The following SYNE2 variants were observed in gnomAD, a reference collection of about 807,000 sequenced individuals.
SYNE2 encodes the protein spectrin repeat containing nuclear envelope protein 2.
SYNE2 carries 431 observed loss-of-function variants against 856.3 expected under a neutral mutation model. The observed-to-expected ratio is 0.50, with a 90% CI of 0.47 to 0.55. The LOEUF is 0.55. SYNE2 is among the 20% of genes least tolerant of loss of function. The pLI, the probability that SYNE2 is intolerant of heterozygous loss-of-function variation, is 0.00. For synonymous variants in SYNE2, 2,923 were observed against 2,872.3 expected, an observed-to-expected ratio of 1.02 and a Z score of -0.56; for missense variants, 8,129 against 8,023.2, an observed-to-expected ratio of 1.01 and a Z score of -0.50.
chr14:63,872,313 C>T (rs767798182), intron 1 of SYNE2, among the ~76,000 whole-genome samples: 1 of 151,846 alleles, frequency 6.6e-6, no homozygotes, highest in South Asian at 2.1e-4. Flanking sequence ...GCCTGTAATC[C>T]GAGCCACTTG....
chr14:64,010,217 A>G (rs965651735), intron 32 of SYNE2, 101 bp downstream of exon 32: 1 of 1,314,722 alleles, frequency 7.6e-7, no homozygotes, highest in African/African-American at 1.5e-5. Context: ...AACTTCGTTT[A>G]AAAGAAGTTA....
At chr14:63,948,782 GTATATATATATATATATA>G (rs3062027) in intron 6 of SYNE2, among the ~76,000 whole-genome samples, 826 of 43,880 alleles carry the variant, frequency 0.019, 43 homozygotes, top group Middle Eastern at 0.045. Flanking sequence ...ATGTGTGTGT[GTATATATATATATATATA>G]TATATATATA....
At chr14:64,163,723 A>C (rs2098347833) in intron 89 of SYNE2, 142 bp downstream of exon 89, 4 of 891,882 alleles carry the variant, frequency 4.5e-6, no homozygotes, top group Admixed American at 4.1e-5. Context: ...AATGTATACG[A>C]TTCTAGCTTC....
intron 111 of SYNE2, among the ~76,000 whole-genome samples, chr14:64,221,364 G>A (rs895712712): frequency 2.0e-5 from 3 of 152,140 alleles, no homozygotes; most frequent in African/African-American, 7.2e-5. Flanking sequence ...ACTTTTATTC[G>A]CGGCCTCCTG....
intron 61 of SYNE2, among the ~76,000 whole-genome samples, chr14:64,094,103 C>A (rs989848053): frequency 2.6e-5 from 4 of 151,858 alleles, no homozygotes; most frequent in African/African-American, 9.7e-5. Context: ...GAGGCCGAGG[C>A]GGGCAGATCA....
Position 64,190,149 on chromosome 14 carries a change from A to G in SYNE2, c.17950A>G (p.Ser5984Gly), listed in dbSNP as rs1355121735. The G allele has an allele frequency of 6.2e-7, 1 of 1,614,164 alleles. No individual in the cohort carries two copies. Among genetic ancestry groups the G allele is most frequent in the Non-Finnish European group, 8.5e-7 (1 of 1,180,030 alleles). ...GATGGGTGACCAGTTGATCAAGGCC[A>G]GCAACAAATCAAGAGCAGCTGAGAT... ...KQMGDQLIKASNKSRAAEIDD... is the reference protein window; with the variant it reads ...KQMGDQLIKAGNKSRAAEIDD... Residue 5984 changes from serine to glycine, a missense_variant, in exon 99 of 116, where the codon AGC becomes GGC. Around this residue, in one of 3 missense-constraint regions of SYNE2, gnomAD observed 5,410 missense variants for 5,284.8 expected, o/e 1.02. Coordinates refer to ENST00000555002, the MANE Select transcript of SYNE2 (RefSeq NM_182914.3).
At chr14:64,016,450 TAA>T in intron 32 of SYNE2, 21 bp from the exon 33 acceptor site, 1 of 1,486,378 alleles carries the variant, frequency 6.7e-7, no homozygotes. Context: ...ATATCAGAAA[TAA>T]CTTTCATATC....
intron 80 of SYNE2, among the ~76,000 whole-genome samples, chr14:64,140,896 GTTTTT>G (rs368961338): frequency 2.0e-5 from 3 of 146,888 alleles, no homozygotes; most frequent in Non-Finnish European, 4.5e-5. Context: ...GACTTTTCCT[GTTTTT>G]TTTTTATTTT....
Position 64,053,286 on chromosome 14 carries a change from C to G in SYNE2, c.9373C>G (p.Leu3125Val). The G allele has an allele frequency of 6.2e-7, 1 of 1,608,318 alleles. No individual in the cohort carries two copies. The change falls in exon 48 of 116, where the codon CTG becomes GTG. Residue 3125 changes from leucine to valine, a missense_variant. Leu to Val is a conservative substitution (Grantham distance 32, BLOSUM62 1). This residue lies in a region of SYNE2 where 5,410 missense variants were observed against 5,284.8 expected (regional missense o/e 1.02). Transcript: ENST00000555002. ...GGAGAAAGAAATACTACAAATAAAG[C>G]TGAATGCAGAAGAAAATGATAAGTT... ...FKEKEILQIKLNAEENDKLYK... is the reference protein window; with the variant it reads ...FKEKEILQIKVNAEENDKLYK...
intron 1 of SYNE2, among the ~76,000 whole-genome samples, chr14:63,884,557 G>A (rs1405835785): frequency 6.6e-6 from 1 of 152,090 alleles, no homozygotes; most frequent in East Asian, 1.9e-4. Flanking sequence ...GGTGTGTAGT[G>A]GGCACCAAGG....
chr14:63,931,118 C>T lies in SYNE2; in HGVS notation c.80-9496C>T, dbSNP rs1015793472. Among the ~76,000 whole-genome samples the T allele has an allele frequency of 5.9e-5, 9 of 152,066 alleles. No homozygotes were observed. The East Asian group carries it at 1.2e-3, about 20-fold the overall frequency. ...TCTGGAGAGCTGGAGAATTGCTTAG[C>T]GTTAGGGAAAAACTCACACATTTGG... On this transcript the variant is annotated intron_variant, in intron 2 of 115. Transcript: ENST00000555002.
At chr14:63,775,168 G>T (rs1447113237) in intron 1 of SYNE2, among the ~76,000 whole-genome samples, 1 of 152,044 alleles carries the variant, frequency 6.6e-6, no homozygotes, top group Non-Finnish European at 1.5e-5. Context: ...TAGAGATGGG[G>T]TTTCGCCATG....
chr14:64,077,476 G>T (rs2097473541), intron 54 of SYNE2, among the ~76,000 whole-genome samples: 1 of 152,046 alleles, frequency 6.6e-6, no homozygotes. Context: ...TGTGAATAGA[G>T]CCTGGGACTC....
chr14:63,948,176 C>T (rs1270375608), intron 6 of SYNE2, among the ~76,000 whole-genome samples: 1 of 151,356 alleles, frequency 6.6e-6, no homozygotes, highest in African/African-American at 2.4e-5. Context: ...TACACACACA[C>T]ACACACACAC....
At chr14:64,039,868 G>C (rs574188279) in intron 45 of SYNE2, among the ~76,000 whole-genome samples, 1 of 152,200 alleles carries the variant, frequency 6.6e-6, no homozygotes, top group East Asian at 1.9e-4. Context: ...CTCCAGAATA[G>C]ACACGGGCCC....
intron 6 of SYNE2, among the ~76,000 whole-genome samples, chr14:63,948,391 C>T (rs35581544): frequency 0.053 from 8,123 of 152,016 alleles, 290 homozygotes; most frequent in Admixed American, 0.096. Flanking sequence ...AGGCCGGGTG[C>T]GGTGGCTCAC....
intron 96 of SYNE2, among the ~76,000 whole-genome samples, chr14:64,182,451 C>T (rs529984810): frequency 4.0e-5 from 6 of 151,470 alleles, no homozygotes; most frequent in African/African-American, 1.2e-4. Context: ...GGATTTGGCA[C>T]GGTCATAGGA....
chr14:64,083,138 T>TC (rs1261941785), intron 57 of SYNE2, among the ~76,000 whole-genome samples: 1 of 152,156 alleles, frequency 6.6e-6, no homozygotes, highest in Non-Finnish European at 1.5e-5. Flanking sequence ...ACCTCAGACC[T>TC]CCCTGACGTT....
At chr14:64,089,228 T>C (rs2097585869) in intron 58 of SYNE2, among the ~76,000 whole-genome samples, 1 of 151,374 alleles carries the variant, frequency 6.6e-6, no homozygotes, top group Non-Finnish European at 1.5e-5. Context: ...TAACTGGGCA[T>C]GGTGGCACGT....
Sources: allele counts gnomAD v4.1 joint callset (sites outside exome capture counted in the v4.1 genomes callset), GRCh38; gene constraint gnomAD v4.1.1; regional missense constraint gnomAD v4.1.1; transcripts MANE v1.5; gene names NCBI Gene and HGNC (gene_info 2026-07-23, HGNC 2026-07-21).